TBC1D9: variants seen among roughly 807,000 people sequenced by gnomAD.
The protein encoded by TBC1D9 is TBC1 domain family member 9, also known as TBC1 domain family member 9A.
A neutral mutation model predicts 132.0 loss-of-function variants in TBC1D9; 63 were observed. That is an observed-to-expected ratio of 0.48 (90% confidence interval 0.39 to 0.59). The LOEUF (loss-of-function observed/expected upper bound fraction) is 0.59. TBC1D9 is among the 20% of genes least tolerant of loss of function. TBC1D9 has a pLI of 0.00. For synonymous variants in TBC1D9, 610 were observed against 609.9 expected (o/e 1.00, Z 0.00); for missense variants, 1,261 against 1,592.7 (o/e 0.79, Z 3.54).
At chr4:140,736,711 T>C (rs1738678519) in intron 1 of TBC1D9, among the ~76,000 whole-genome samples, 1 of 152,116 alleles carries the variant, frequency 6.6e-6, no homozygotes, top group South Asian at 2.1e-4. Flanking sequence ...AAGATTAGCC[T>C]CCTGACAGTT....
chr4:140,626,578 T>C (rs1452108470), intron 18 of TBC1D9, among the ~76,000 whole-genome samples: 1 of 152,170 alleles, frequency 6.6e-6, no homozygotes, highest in Non-Finnish European at 1.5e-5. Flanking sequence ...CTTAGGTGAG[T>C]TGATAAAGTT....
chr4:140,675,104 C>T (rs1345782405), intron 6 of TBC1D9, among the ~76,000 whole-genome samples: 7 of 152,098 alleles, frequency 4.6e-5, no homozygotes, highest in African/African-American at 1.2e-4. Flanking sequence ...AAGTGTTTTA[C>T]ATCTAAATTA....
At chr4:140,653,305 T>C (rs1014197283) in intron 13 of TBC1D9, among the ~76,000 whole-genome samples, 1 of 152,222 alleles carries the variant, frequency 6.6e-6, no homozygotes, top group African/African-American at 2.4e-5. Context: ...TTGTCACGGC[T>C]AATTATCCTG....
At chr4:140,728,323 T>C (rs113288613) in intron 1 of TBC1D9, among the ~76,000 whole-genome samples, 1,665 of 151,170 alleles carry the variant, frequency 0.011, 24 homozygotes, top group African/African-American at 0.037. Context: ...CATAATCCAA[T>C]GAAAGGGGAA....
chr4:140,656,963 A>C (rs1173628875), intron 13 of TBC1D9, 134 bp downstream of exon 13: 18 of 1,172,572 alleles, frequency 1.5e-5, no homozygotes, highest in Admixed American at 5.5e-5. Context: ...GGGGCGTCCC[A>C]AAGTCTAGAA....
At chr4:140,712,808 C>T (rs551907105) in intron 1 of TBC1D9, among the ~76,000 whole-genome samples, 2 of 151,732 alleles carry the variant, frequency 1.3e-5, no homozygotes, top group Admixed American at 6.6e-5. Flanking sequence ...TGCTCTGTTG[C>T]CCATGCTGGA....
At chr4:140,742,403 G>A (rs1434729876) in intron 1 of TBC1D9, among the ~76,000 whole-genome samples, 4 of 151,744 alleles carry the variant, frequency 2.6e-5, no homozygotes, top group Non-Finnish European at 5.9e-5. Flanking sequence ...ATGGTGGCGG[G>A]CATCTGTAGT....
chr4:140,639,700 A>G (rs1447844176), intron 13 of TBC1D9, among the ~76,000 whole-genome samples: 2 of 152,238 alleles, frequency 1.3e-5, no homozygotes, highest in Non-Finnish European at 2.9e-5. Flanking sequence ...AGGGCTAAAT[A>G]AGGCTACTTG....
chr4:140,654,667 A>T (rs1232626926), intron 13 of TBC1D9, among the ~76,000 whole-genome samples: 1 of 152,194 alleles, frequency 6.6e-6, no homozygotes, highest in East Asian at 1.9e-4. Flanking sequence ...TCCTGGGGCG[A>T]TGACTTTTTT....
At chr4:140,638,182 A>G (rs1364702343) in intron 15 of TBC1D9, among the ~76,000 whole-genome samples, 3 of 152,220 alleles carry the variant, frequency 2.0e-5, no homozygotes, top group Non-Finnish European at 4.4e-5. Flanking sequence ...TTCTCAAAAC[A>G]GCCAAATTTA....
At chr4:140,686,505 A>C in intron 2 of TBC1D9, 43 bp from the exon 3 acceptor site, 1 of 1,286,314 alleles carries the variant, frequency 7.8e-7, no homozygotes. Context: ...TTTCATGCCA[A>C]AGATATTTTA....
intron 6 of TBC1D9, 49 bp from the exon 7 acceptor site, chr4:140,670,975 A>T (rs80269499): frequency 6.7e-7 from 1 of 1,502,668 alleles, no homozygotes; most frequent in East Asian, 2.3e-5. Context: ...GAATTACCCA[A>T]TAGCAGCCTA....
intron 1 of TBC1D9, among the ~76,000 whole-genome samples, chr4:140,710,685 C>T (rs1738229295): frequency 6.6e-6 from 1 of 152,134 alleles, no homozygotes; most frequent in Non-Finnish European, 1.5e-5. Flanking sequence ...CAAGCACCTG[C>T]TCCTGCATAA....
chr4:140,751,845 T>G (rs1738929459), intron 1 of TBC1D9, among the ~76,000 whole-genome samples: 1 of 152,206 alleles, frequency 6.6e-6, no homozygotes, highest in Admixed American at 6.5e-5. Context: ...CTCAACTTCA[T>G]CAGTCAGGAA....
intron 1 of TBC1D9, among the ~76,000 whole-genome samples, chr4:140,734,327 G>A (rs112691331): frequency 0.02 from 3,057 of 152,062 alleles, 58 homozygotes; most frequent in African/African-American, 0.049. Flanking sequence ...ATGGGGTTTC[G>A]CCATGTATCC....
At chr4:140,661,690 G>T (rs12331033) in intron 10 of TBC1D9, among the ~76,000 whole-genome samples, 8,164 of 152,218 alleles carry the variant, frequency 0.054, 305 homozygotes, top group Middle Eastern at 0.11. Flanking sequence ...GTAGGGGCCA[G>T]GGATGTTACT....
At chr4:140,623,062 T>C in intron 20 of TBC1D9, 145 bp from the exon 21 acceptor site, 1 of 990,730 alleles carries the variant, frequency 1.0e-6, no homozygotes, top group Non-Finnish European at 1.4e-6. Flanking sequence ...ATGTTTAAAG[T>C]CTCCTATTGA....
chr4:140,747,576 TA>T (rs1039378253), intron 1 of TBC1D9, among the ~76,000 whole-genome samples: 2 of 151,916 alleles, frequency 1.3e-5, no homozygotes, highest in African/African-American at 4.8e-5. Context: ...TATCAAAAAA[TA>T]AAAAGCAACA....
In TBC1D9 at chr4:140,753,553, C is replaced by T. The variant is rs141094306; in HGVS notation, c.130+2363G>A. Among the ~76,000 whole-genome samples the T allele has an allele frequency of 1.7e-3, 264 of 152,308 alleles. 3 individuals carry two copies. The highest frequency in any genetic ancestry group is 5.2e-3 in the African/African-American group (218 of 41,570). ...TCTCTCCAGGCTCAAGTTCCTCTTCCCTGGCTCCAGCTCTCACGGACTCCT... is the reference window on the plus strand; with the variant it reads ...TCTCTCCAGGCTCAAGTTCCTCTTCTCTGGCTCCAGCTCTCACGGACTCCT... On this transcript the variant is annotated intron_variant, in intron 1 of 20. Coordinates refer to ENST00000442267, the MANE Select transcript of TBC1D9 (RefSeq NM_015130.3).
Sources: gnomAD v4.1 joint callset for allele counts (sites outside exome capture counted in the v4.1 genomes callset) on GRCh38, gnomAD v4.1.1 for gene constraint, MANE v1.5 for transcripts, NCBI Gene and HGNC (gene_info 2026-07-23, HGNC 2026-07-21) for gene names.